Variants in MECOM observed in about 807,000 individuals in gnomAD.
MECOM encodes the protein histone-lysine N-methyltransferase MECOM.
MECOM carries 13 observed loss-of-function variants against 116.3 expected under a neutral mutation model. The ratio of observed to expected loss-of-function variants is 0.11; its 90% CI spans 0.07 to 0.18. The LOEUF is 0.18. MECOM is among the 10% of genes least tolerant of loss of function. The pLI is 1.00. For missense variants in MECOM, 1,299 were observed against 1,509.0 expected (o/e 0.86, Z 2.31); for synonymous variants, 528 against 535.2 (o/e 0.99, Z 0.19).
chr3:169,437,490 T>C (rs888722948), intron 1 of MECOM, among the ~76,000 whole-genome samples: 1 of 152,180 alleles, frequency 6.6e-6, no homozygotes, highest in African/African-American at 2.4e-5. Flanking sequence ...CAAGATTAGT[T>C]AACATAATAT....
intron 2 of MECOM, among the ~76,000 whole-genome samples, chr3:169,360,233 C>G (rs1430436): frequency 2.1e-5 from 3 of 141,598 alleles, no homozygotes; most frequent in Non-Finnish European, 4.5e-5. Context: ...AAGCTCCTTT[C>G]TGGCACTCCC....
chr3:169,367,014 C>T (rs1375053039), intron 2 of MECOM, among the ~76,000 whole-genome samples: 3 of 152,054 alleles, frequency 2.0e-5, no homozygotes, highest in Admixed American at 2.0e-4. Context: ...GCGCACTGTG[C>T]CCCCAGGAAG....
At chr3:169,491,381 G>T (rs1753073257) in intron 1 of MECOM, among the ~76,000 whole-genome samples, 1 of 151,998 alleles carries the variant, frequency 6.6e-6, no homozygotes, top group Non-Finnish European at 1.5e-5. Flanking sequence ...AAAGGCTCTA[G>T]GTTGGTGATT....
chr3:169,482,779 T>C (rs7619938), intron 1 of MECOM, among the ~76,000 whole-genome samples: 10,750 of 152,236 alleles, frequency 0.071, 650 homozygotes, highest in East Asian at 0.25. Context: ...ATTTTTTATT[T>C]CTGGTGAATA....
intron 1 of MECOM, among the ~76,000 whole-genome samples, chr3:169,400,373 C>A (rs1412888984): frequency 2.0e-5 from 3 of 152,284 alleles, no homozygotes; most frequent in Non-Finnish European, 2.9e-5. Flanking sequence ...TGGCATGCAA[C>A]AGAGTGAATG....
chr3:169,658,578 AC>A (rs1455643503), intron 1 of MECOM, among the ~76,000 whole-genome samples: 1 of 152,134 alleles, frequency 6.6e-6, no homozygotes, highest in Admixed American at 6.5e-5. Flanking sequence ...TTCTGGCCAA[AC>A]CTTGGAGCCC....
At position 169,253,415 on chromosome 3, in the gene MECOM, TC is replaced by T. The variant is rs1261460531; in HGVS notation, c.376-109584del. Among the ~76,000 whole-genome samples the T allele has an allele frequency of 9.2e-5, 14 of 151,964 alleles. No homozygotes were observed. The East Asian group carries it at 1.3e-3, about 15-fold the overall frequency. ...TCTTTTTTTTTTTTTCTTGAGCTAT[TC>T]GACTTCTTTTCCTAAAAGTTGTTTT... On this transcript the variant is annotated intron_variant, in intron 2 of 16. Coordinates refer to ENST00000651503, the MANE Select transcript of MECOM (RefSeq NM_004991.4).
intron 2 of MECOM, among the ~76,000 whole-genome samples, chr3:169,297,911 C>A (rs1283538981): frequency 6.6e-6 from 1 of 152,152 alleles, no homozygotes; most frequent in Non-Finnish European, 1.5e-5. Flanking sequence ...TAAACAGAAA[C>A]AGAGTAGGAG....
chr3:169,526,473 C>T (rs1371323777), intron 1 of MECOM, among the ~76,000 whole-genome samples: 1 of 152,170 alleles, frequency 6.6e-6, no homozygotes, highest in Non-Finnish European at 1.5e-5. Flanking sequence ...CACATGTTTA[C>T]TTAAAGAAGC....
At chr3:169,289,567 G>A (rs959984590) in intron 2 of MECOM, among the ~76,000 whole-genome samples, 2 of 152,184 alleles carry the variant, frequency 1.3e-5, no homozygotes, top group Non-Finnish European at 2.9e-5. Context: ...TTCTGCTTCA[G>A]CAAATACTTT....
At chr3:169,634,312 T>C (rs1450580680) in intron 1 of MECOM, among the ~76,000 whole-genome samples, 3 of 152,130 alleles carry the variant, frequency 2.0e-5, no homozygotes, top group South Asian at 2.1e-4. Context: ...GCCAGCATTA[T>C]TGGGACAGGT....
rs144303581 is a variant in MECOM, at chr3:169,115,998, G to A, written c.1874C>T (p.Pro625Leu). 8.1e-6 allele frequency: 13 copies of A among 1,614,020 alleles called. No homozygotes were observed. Among genetic ancestry groups the A allele is most frequent in the Non-Finnish European group, 1.1e-5 (13 of 1,180,038 alleles). Residue 625 changes from proline to leucine, a missense_variant, in exon 8 of 17, where the codon CCT becomes CTT. Pro to Leu is a moderately conservative substitution (Grantham distance 98). This residue lies in a region of MECOM where 238 missense variants were observed against 273.1 expected (regional missense o/e 0.87). Transcript: ENST00000651503. ...NGKMFKDKVS[P>L]LQNLASINNK... ...ATTTATTGAAGCCAGATTCTGAAGA[G>A]GGCTTACTTTGTCTTTGAACATTTT... is the stretch of plus-strand genomic sequence containing the variant.
intron 1 of MECOM, among the ~76,000 whole-genome samples, chr3:169,436,032 T>C (rs1286317458): frequency 1.3e-5 from 2 of 152,196 alleles, no homozygotes; most frequent in South Asian, 2.1e-4. Flanking sequence ...ACATAGGCAC[T>C]TGCTGGAATT....
intron 2 of MECOM, among the ~76,000 whole-genome samples, chr3:169,240,676 G>C (rs910805024): frequency 5.3e-5 from 8 of 152,052 alleles, no homozygotes; most frequent in African/African-American, 1.9e-4. Flanking sequence ...GCTCAAAGAG[G>C]GGATGATCCA....
intron 1 of MECOM, among the ~76,000 whole-genome samples, chr3:169,429,485 T>A (rs1392348679): frequency 6.6e-6 from 1 of 152,208 alleles, no homozygotes; most frequent in Non-Finnish European, 1.5e-5. Context: ...GAGACTAGCA[T>A]GCTATCTGAC....
chr3:169,110,208 C>T (rs959503339), intron 9 of MECOM, among the ~76,000 whole-genome samples: 6 of 152,272 alleles, frequency 3.9e-5, no homozygotes, highest in Admixed American at 1.3e-4. Flanking sequence ...CTTACTTCTG[C>T]AGTGAGGTCA....
chr3:169,289,608 A>G (rs1484036336), intron 2 of MECOM, among the ~76,000 whole-genome samples: 3 of 152,192 alleles, frequency 2.0e-5, no homozygotes, highest in African/African-American at 4.8e-5. Flanking sequence ...TACCCCTGAC[A>G]GGCTGTGCAA....
intron 14 of MECOM, among the ~76,000 whole-genome samples, chr3:169,091,046 T>A (rs1392293848): frequency 6.6e-6 from 1 of 152,090 alleles, no homozygotes; most frequent in Non-Finnish European, 1.5e-5. Flanking sequence ...GAAAAAGTCA[T>A]ATCATTATTA....
chr3:169,187,551 T>C (rs1038327317), intron 2 of MECOM, among the ~76,000 whole-genome samples: 1 of 151,780 alleles, frequency 6.6e-6, no homozygotes, highest in Non-Finnish European at 1.5e-5. Context: ...CCCTAAAAAG[T>C]AGGATGGAGA....
Sources: allele counts gnomAD v4.1 joint callset (sites outside exome capture counted in the v4.1 genomes callset), GRCh38; gene constraint gnomAD v4.1.1; regional missense constraint gnomAD v4.1.1; transcripts MANE v1.5; gene names NCBI Gene and HGNC (gene_info 2026-07-23, HGNC 2026-07-21).